KCNIP4: variants seen among roughly 807,000 people sequenced by gnomAD.
KCNIP4 encodes Kv channel-interacting protein 4.
A neutral mutation model predicts 34.0 loss-of-function variants in KCNIP4; 12 were observed. The ratio of observed to expected loss-of-function variants is 0.35; its 90% CI spans 0.23 to 0.57. KCNIP4 has a LOEUF of 0.57. KCNIP4 is among the 20% of genes least tolerant of loss of function. The pLI, the probability that KCNIP4 is intolerant of heterozygous loss-of-function variation, is 0.83. For missense variants in KCNIP4, 238 were observed against 311.7 expected, an observed-to-expected ratio of 0.76 and a Z score of 1.78; for synonymous variants, 124 against 102.2, an observed-to-expected ratio of 1.21 and a Z score of -1.29.
At chr4:21,387,148 T>C (rs1722103887) in intron 1 of KCNIP4, among the ~76,000 whole-genome samples, 1 of 152,188 alleles carries the variant, frequency 6.6e-6, no homozygotes, top group Non-Finnish European at 1.5e-5. Flanking sequence ...ATTGATGCCA[T>C]TGCCTTCACA....
rs188953337 is a variant in KCNIP4 at position 21,854,013 on chromosome 4, C to G, written c.61+94558G>C. ...GTAATAAGTTCAGTGATCACACAGC[C>G]TAGGTTGCTCAGGGCAGTGTCTATT... On this transcript the variant is annotated intron_variant, in intron 1 of 8. Coordinates refer to ENST00000382152, the MANE Select transcript of KCNIP4 (RefSeq NM_025221.6). Among the ~76,000 whole-genome samples the G allele has an allele frequency of 3.9e-5, 6 of 152,296 alleles. No homozygotes were observed. The East Asian group carries it at 1.2e-3, about 29-fold the overall frequency.
chr4:20,869,775 T>A (rs1008732233), intron 2 of KCNIP4, among the ~76,000 whole-genome samples: 13 of 152,086 alleles, frequency 8.5e-5, no homozygotes, highest in Non-Finnish European at 5.9e-5. Flanking sequence ...ACATACTAAT[T>A]GAGGTGTTAT....
chr4:20,839,944 C>T (rs1174247750), intron 3 of KCNIP4, among the ~76,000 whole-genome samples: 4 of 152,142 alleles, frequency 2.6e-5, no homozygotes, highest in Non-Finnish European at 4.4e-5. Context: ...GAAAGGCCTG[C>T]TTGCAAGGCT....
intron 1 of KCNIP4, among the ~76,000 whole-genome samples, chr4:21,535,938 CA>C (rs1393512544): frequency 6.6e-6 from 1 of 152,104 alleles, no homozygotes; most frequent in Non-Finnish European, 1.5e-5. Flanking sequence ...TCTGAGTCTC[CA>C]AATCATCTCC....
chr4:21,935,902 G>C (rs1186344255), intron 1 of KCNIP4, among the ~76,000 whole-genome samples: 1 of 151,458 alleles, frequency 6.6e-6, no homozygotes, highest in Non-Finnish European at 1.5e-5. Flanking sequence ...ACATAGATTT[G>C]AGTACATTTT....
intron 1 of KCNIP4, among the ~76,000 whole-genome samples, chr4:21,240,899 A>G (rs149200053): frequency 0.021 from 3,160 of 152,340 alleles, 52 homozygotes; most frequent in Non-Finnish European, 0.03. Context: ...TCTACTGTAA[A>G]AAATTAATGA....
At chr4:21,893,586 A>G (rs1208810802) in intron 1 of KCNIP4, among the ~76,000 whole-genome samples, 1 of 152,158 alleles carries the variant, frequency 6.6e-6, no homozygotes, top group Non-Finnish European at 1.5e-5. Flanking sequence ...AATTCATTAC[A>G]CACAAGAAAG....
At chr4:20,766,082 A>T (rs1755379942) in intron 3 of KCNIP4, among the ~76,000 whole-genome samples, 1 of 152,196 alleles carries the variant, frequency 6.6e-6, no homozygotes, top group East Asian at 1.9e-4. Flanking sequence ...GCTAATACAC[A>T]TGAGCACTTT....
At chr4:21,533,912 T>C (rs57822951) in intron 1 of KCNIP4, among the ~76,000 whole-genome samples, 5,707 of 152,226 alleles carry the variant, frequency 0.037, 291 homozygotes, top group East Asian at 0.22. Context: ...ACAGGATAGA[T>C]GGTTCCTGTA....
At chr4:20,759,404 G>A (rs181053891) in intron 3 of KCNIP4, among the ~76,000 whole-genome samples, 1 of 152,288 alleles carries the variant, frequency 6.6e-6, no homozygotes, top group East Asian at 1.9e-4. Flanking sequence ...CCAAGACATG[G>A]TTTTGTAACA....
intron 1 of KCNIP4, among the ~76,000 whole-genome samples, chr4:20,884,350 G>C (rs1300174611): frequency 6.6e-6 from 1 of 152,240 alleles, no homozygotes; most frequent in Non-Finnish European, 1.5e-5. Flanking sequence ...TGTATGTGTA[G>C]AGTGGGGTGA....
intron 1 of KCNIP4, among the ~76,000 whole-genome samples, chr4:20,926,567 T>C (rs1729915781): frequency 6.6e-6 from 1 of 152,202 alleles, no homozygotes; most frequent in Non-Finnish European, 1.5e-5. Flanking sequence ...TACTAGAGCT[T>C]ACAATTTAAA....
chr4:21,519,824 C>CGTGTGTGT (rs1735362225), intron 1 of KCNIP4, among the ~76,000 whole-genome samples: 1 of 143,230 alleles, frequency 7.0e-6, no homozygotes, highest in East Asian at 2.1e-4. Context: ...TGTGTATACA[C>CGTGTGTGT]ACGTGTGTGT....
intron 1 of KCNIP4, among the ~76,000 whole-genome samples, chr4:21,909,341 C>G (rs547247627): frequency 3.9e-5 from 6 of 152,200 alleles, no homozygotes; most frequent in African/African-American, 1.2e-4. Context: ...GCTTCTCCCC[C>G]TGCCTGGAAT....
At chr4:21,929,065 C>A (rs980865289) in intron 1 of KCNIP4, among the ~76,000 whole-genome samples, 5 of 152,054 alleles carry the variant, frequency 3.3e-5, no homozygotes, top group African/African-American at 1.2e-4. Context: ...GCAGCTAGAT[C>A]TCAAAAACAT....
intron 1 of KCNIP4, among the ~76,000 whole-genome samples, chr4:21,551,866 G>A (rs541099497): frequency 2.6e-5 from 4 of 152,038 alleles, no homozygotes; most frequent in South Asian, 2.1e-4. Flanking sequence ...GTATTATTGC[G>A]AGAAAGGATA....
intron 3 of KCNIP4, among the ~76,000 whole-genome samples, chr4:20,826,887 A>ATT (rs1717830166): frequency 6.6e-6 from 1 of 152,200 alleles, no homozygotes; most frequent in African/African-American, 2.4e-5. Context: ...ATTATTTAAT[A>ATT]CAGGGGCTAA....
At chr4:21,028,744 C>T (rs1740756155) in intron 1 of KCNIP4, among the ~76,000 whole-genome samples, 1 of 152,114 alleles carries the variant, frequency 6.6e-6, no homozygotes, top group Non-Finnish European at 1.5e-5. Context: ...ATATGGAAAC[C>T]AACCAATGCA....
chr4:21,420,174 G>C (rs552260097), intron 1 of KCNIP4, among the ~76,000 whole-genome samples: 1 of 152,148 alleles, frequency 6.6e-6, no homozygotes, highest in Admixed American at 6.5e-5. Flanking sequence ...CAAAATATTA[G>C]CATTACTAAG....
Sources: allele counts gnomAD v4.1 joint callset (sites outside exome capture counted in the v4.1 genomes callset), GRCh38; gene constraint gnomAD v4.1.1; transcripts MANE v1.5; gene names NCBI Gene and HGNC (gene_info 2026-07-23, HGNC 2026-07-21).